AMBRA1: variants seen among roughly 807,000 people sequenced by gnomAD.
AMBRA1 encodes activating molecule in BECN1-regulated autophagy protein 1.
A neutral mutation model predicts 125.4 loss-of-function variants in AMBRA1; 47 were observed. The observed-to-expected ratio is 0.37, with a 90% CI of 0.30 to 0.48. The LOEUF (loss-of-function observed/expected upper bound fraction) is 0.48, where lower values mean the gene tolerates loss of function less well. AMBRA1 is among the 20% of genes least tolerant of loss of function. AMBRA1 has a pLI of 0.99. For synonymous variants in AMBRA1, 626 were observed against 655.5 expected, an observed-to-expected ratio of 0.95 and a Z score of 0.69; for missense variants, 1,331 against 1,693.4, an observed-to-expected ratio of 0.79 and a Z score of 3.76.
intron 13 of AMBRA1, among the ~76,000 whole-genome samples, chr11:46,434,131 A>AAG (rs1947594332): frequency 6.6e-6 from 1 of 151,518 alleles, no homozygotes; most frequent in Non-Finnish European, 1.5e-5. Flanking sequence ...AAAAAAAAAA[A>AAG]AAAAAAGAAA....
intron 14 of AMBRA1, among the ~76,000 whole-genome samples, chr11:46,425,503 G>A (rs989819408): frequency 1.2e-4 from 18 of 152,270 alleles, no homozygotes; most frequent in Non-Finnish European, 2.1e-4. Context: ...TCATGTCTCA[G>A]TGCTGGAACT....
intron 14 of AMBRA1, among the ~76,000 whole-genome samples, chr11:46,431,487 T>C (rs984150784): frequency 6.6e-6 from 1 of 152,202 alleles, no homozygotes; most frequent in Non-Finnish European, 1.5e-5. Context: ...TTTGTAACTG[T>C]TTGTCTTCAG....
intron 14 of AMBRA1, among the ~76,000 whole-genome samples, chr11:46,426,575 C>T (rs1947147578): frequency 1.3e-5 from 2 of 152,182 alleles, no homozygotes; most frequent in African/African-American, 2.4e-5. Context: ...GCTCTGACTG[C>T]AGTTCTAGTG....
At chr11:46,512,153 G>A (rs959260255) in intron 8 of AMBRA1, among the ~76,000 whole-genome samples, 1 of 152,222 alleles carries the variant, frequency 6.6e-6, no homozygotes, top group Admixed American at 6.5e-5. Context: ...ACCATGCCCA[G>A]CCTCAAATGT....
At chr11:46,551,496 G>C (rs1209814029) in intron 1 of AMBRA1, among the ~76,000 whole-genome samples, 1 of 152,152 alleles carries the variant, frequency 6.6e-6, no homozygotes, top group Non-Finnish European at 1.5e-5. Flanking sequence ...GCCCAGGCTG[G>C]TGCAAACCAC....
intron 7 of AMBRA1, among the ~76,000 whole-genome samples, chr11:46,517,021 C>T (rs1373957969): frequency 2.0e-5 from 3 of 152,068 alleles, no homozygotes; most frequent in East Asian, 1.9e-4. Context: ...TCATTTTATA[C>T]ACCACTGGTG....
intron 11 of AMBRA1, among the ~76,000 whole-genome samples, 174 bp downstream of exon 11, chr11:46,493,434 A>G (rs113073011): frequency 1.3e-5 from 2 of 152,176 alleles, no homozygotes; most frequent in Non-Finnish European, 2.9e-5. Context: ...TTTTTCTTCA[A>G]CCCTGCCATT....
Position 46,548,427 on chromosome 11 carries a change from A to C in AMBRA1, c.-47T>G, listed in dbSNP as rs2042892310. On this transcript the variant is annotated 5_prime_UTR_variant, in exon 2 of 18. Transcript: ENST00000683756. ...CACCAGGCCCAGGAAATGAAGGAGC[A>C]AGTAACAGCTCCAACACACTGAAGC... 1 of 1,609,344 alleles carries C rather than the reference A, an allele frequency of 6.2e-7. No individual in the cohort carries two copies. The highest frequency in any genetic ancestry group is 1.7e-5 in the Admixed American group (1 of 59,964).
chr11:46,479,815 A>G (rs780059961), intron 11 of AMBRA1, among the ~76,000 whole-genome samples: 3 of 152,156 alleles, frequency 2.0e-5, no homozygotes, highest in Admixed American at 1.3e-4. Flanking sequence ...ACATGTGTGA[A>G]ACTATCTGTT....
At position 46,545,775 on chromosome 11, in the gene AMBRA1, C is replaced by T. The variant is rs777495266; in HGVS notation, c.380G>A (p.Gly127Asp). The T allele has an allele frequency of 1.2e-6, 2 of 1,613,750 alleles. No homozygotes were observed. Among genetic ancestry groups the T allele is most frequent in the Non-Finnish European group, 1.7e-6 (2 of 1,179,764 alleles). ...ATCTGTGAACCAGCTTTCACTGCCA[C>T]CCTGTGAATGAACCAATTCCAGATA... ...DGEVRIWDLH[G>D]GSESWFTDSN... is the part of the protein sequence containing the mutation. The change falls in exon 5 of 18, where the codon GGT becomes GAT. Residue 127 changes from glycine (G) to aspartate (D), a missense_variant and splice_region_variant. Transcript: ENST00000683756.
At chr11:46,442,358 G>A (rs1368484244) in intron 12 of AMBRA1, among the ~76,000 whole-genome samples, 1 of 152,034 alleles carries the variant, frequency 6.6e-6, no homozygotes, top group Non-Finnish European at 1.5e-5. Context: ...GGCCAGGCTG[G>A]TCTTGAACTC....
Position 46,397,662 on chromosome 11 carries a change from G to C in AMBRA1, c.3685C>G (p.Arg1229Gly), listed in dbSNP as rs142425575. 5 of 1,613,032 alleles carry C rather than the reference G, an allele frequency of 3.1e-6. No individual in the cohort carries two copies. In the East Asian group the frequency reaches 6.7e-5, roughly 22 times the overall value. Reference protein sequence around the residue: ...GQLAERGLSPRTASWDQPGTP... With the variant: ...GQLAERGLSPGTASWDQPGTP... The stretch of plus-strand genomic sequence containing the variant: ...CCAGGCTGGTCCCAGGAAGCTGTCC[G>C]GGGGCTTAGGCCTCGCTCTGCCAGT... The change falls in exon 18 of 18, where the codon CGG (arginine) becomes GGG (glycine). Residue 1229 changes from arginine to glycine, a missense_variant. Physicochemically the swap from Arg to Gly is moderately radical, Grantham distance 125. Around this residue, in one of 4 missense-constraint regions of AMBRA1, gnomAD observed 144 missense variants for 133.9 expected, o/e 1.08. Coordinates refer to ENST00000683756, the MANE Select transcript of AMBRA1 (RefSeq NM_001387011.1).
At chr11:46,491,937 CAG>C (rs1950478017) in intron 11 of AMBRA1, among the ~76,000 whole-genome samples, 2 of 152,152 alleles carry the variant, frequency 1.3e-5, no homozygotes, top group Non-Finnish European at 2.9e-5. Flanking sequence ...GCCAAGGAAA[CAG>C]AGATCTGCCG....
rs568933081 is a variant in AMBRA1, at chr11:46,538,720, A to G, written c.2072+3225T>C. On this transcript the variant is annotated intron_variant, in intron 7 of 17. Transcript: ENST00000683756. ...ACCATGTTAGCCAGGCTGGTCTCGA[A>G]CTCCTGACCTCAGGCAATCTGCCTG... Among the ~76,000 whole-genome samples, 8 of 152,102 alleles carry G rather than the reference A, an allele frequency of 5.3e-5. No homozygotes were observed. The South Asian group carries it at 1.5e-3, about 28-fold the overall frequency.
intron 11 of AMBRA1, among the ~76,000 whole-genome samples, chr11:46,473,875 C>A (rs1949708232): frequency 6.6e-6 from 1 of 152,254 alleles, no homozygotes; most frequent in Non-Finnish European, 1.5e-5. Flanking sequence ...TGGTCTCGAT[C>A]TCCTGACCTT....
In AMBRA1 at chr11:46,397,713, G is replaced by A. The variant is rs200841087; in HGVS notation, c.3634C>T (p.Arg1212Trp). ...HTSSPQPSTSRGLLPEAGQLA... is the reference protein window; with the variant it reads ...HTSSPQPSTSWGLLPEAGQLA... ...TGCCCGGCCTCTGGGAGCAGTCCCC[G>A]AGAGGTGGAGGGCTGGGGTGAGGAG... is the stretch of plus-strand genomic sequence containing the variant. The change falls in exon 18 of 18, where the codon CGG becomes TGG. Residue 1212 changes from arginine to tryptophan, a missense_variant. By Grantham distance (101) the Arg-to-Trp change is moderately radical (BLOSUM62 -3). This residue lies in a region of AMBRA1 where 144 missense variants were observed against 133.9 expected (regional missense o/e 1.08). Coordinates refer to ENST00000683756, the MANE Select transcript of AMBRA1 (RefSeq NM_001387011.1). The A allele has an allele frequency of 2.7e-5, 44 of 1,613,108 alleles. No homozygotes were observed. The highest frequency in any genetic ancestry group is 3.2e-5 in the Non-Finnish European group (38 of 1,179,882).
chr11:46,485,069 C>A (rs921635380), intron 11 of AMBRA1, among the ~76,000 whole-genome samples: 4 of 152,108 alleles, frequency 2.6e-5, no homozygotes, highest in Non-Finnish European at 5.9e-5. Context: ...TCCCGAATAG[C>A]TGGGATTACA....
chr11:46,552,977 G>A (rs1411002545), intron 1 of AMBRA1, among the ~76,000 whole-genome samples: 2 of 151,202 alleles, frequency 1.3e-5, no homozygotes, highest in Admixed American at 6.6e-5. Flanking sequence ...ACAGAGTCTC[G>A]CTCCGTCACC....
chr11:46,535,252 C>T (rs758419614), intron 7 of AMBRA1, among the ~76,000 whole-genome samples: 20 of 152,192 alleles, frequency 1.3e-4, no homozygotes, highest in Middle Eastern at 3.4e-3. Context: ...ATCTTGAATA[C>T]CAAAGACAAC....
Sources: gnomAD v4.1 joint callset for allele counts (sites outside exome capture counted in the v4.1 genomes callset) on GRCh38, gnomAD v4.1.1 for gene constraint, gnomAD v4.1.1 regional missense constraint, MANE v1.5 for transcripts, NCBI Gene and HGNC (gene_info 2026-07-23, HGNC 2026-07-21) for gene names.